The following ALG6 variants were observed in gnomAD, a reference collection of about 807,000 sequenced individuals.
ALG6 encodes dolichyl pyrophosphate Man9GlcNAc2 alpha-1,3-glucosyltransferase.
ALG6 carries 46 observed loss-of-function variants against 66.6 expected under a neutral mutation model. That is an observed-to-expected ratio of 0.69 (90% CI 0.55 to 0.88). The LOEUF is 0.88. Ranked by LOEUF, ALG6 falls within the 40% of genes least tolerant of loss-of-function variation. The pLI is 0.00. For synonymous variants in ALG6, 185 were observed against 203.7 expected, an observed-to-expected ratio of 0.91 and a Z score of 0.78; for missense variants, 505 against 586.8, an observed-to-expected ratio of 0.86 and a Z score of 1.44.
At chr1:63,387,530 C>CTAT (rs1648535994) in intron 2 of ALG6, among the ~76,000 whole-genome samples, 1 of 60,212 alleles carries the variant, frequency 1.7e-5, no homozygotes, top group Non-Finnish European at 3.2e-5. Context: ...CTTTGTCTTT[C>CTAT]TCTTTTTTTT....
intron 12 of ALG6, among the ~76,000 whole-genome samples, chr1:63,425,827 G>A (rs180969280): frequency 2.2e-3 from 342 of 152,250 alleles, no homozygotes; most frequent in African/African-American, 7.9e-3. Context: ...AGAATTTAAG[G>A]TAGGTAAAAA....
intron 1 of ALG6, among the ~76,000 whole-genome samples, chr1:63,368,849 C>T (rs757171645): frequency 3.9e-5 from 6 of 152,074 alleles, no homozygotes; most frequent in South Asian, 4.1e-4. Context: ...AAATACTGTA[C>T]GCAAATTATA....
Position 63,438,447 on chromosome 1 carries a change from T to C in ALG6, c.*1427T>C, listed in dbSNP as rs1644698603. 1 of 152,194 alleles carries C rather than the reference T, an allele frequency of 6.6e-6. No homozygotes were observed. Among genetic ancestry groups the C allele is most frequent in the African/African-American group, 2.4e-5 (1 of 41,452 alleles). The allele number at this position is 152,194 out of a possible 1,614,324, so 9.4% of individuals were successfully genotyped here. A position where few individuals can be genotyped will look rare whatever the true frequency, so the allele number is the denominator to read the frequency against. On this transcript the variant is annotated 3_prime_UTR_variant, in exon 15 of 15. Coordinates refer to ENST00000263440, the MANE Select transcript of ALG6 (RefSeq NM_013339.4). Reference sequence around the variant, plus strand: ...TGTAATAGTACACTTGTGTTTAACATAGAATGTTGACTTAGATAAATGATG... The same window carrying C: ...TGTAATAGTACACTTGTGTTTAACACAGAATGTTGACTTAGATAAATGATG...
chr1:63,423,273 C>T (rs907686204), intron 12 of ALG6, among the ~76,000 whole-genome samples: 1 of 152,166 alleles, frequency 6.6e-6, no homozygotes, highest in Non-Finnish European at 1.5e-5. Flanking sequence ...ATTCCCCTGC[C>T]TTGGCCTCCC....
rs139140859 is a variant in ALG6, at chr1:63,420,975, C to T, written c.1058+1535C>T. On this transcript the variant is annotated intron_variant, in intron 12 of 14. Transcript: ENST00000263440. ...TATTGAGTGCCTTCTATTTATCAGG[C>T]ACTGTTTTGTGCACATGGGATATAT... Among the ~76,000 whole-genome samples the T allele has an allele frequency of 6.7e-4, 102 of 151,526 alleles. 1 individual carries two copies. The East Asian group carries it at 0.018, about 26-fold the overall frequency.
At chr1:63,368,658 G>A (rs1268815409) in intron 1 of ALG6, among the ~76,000 whole-genome samples, 1 of 151,886 alleles carries the variant, frequency 6.6e-6, no homozygotes, top group Middle Eastern at 3.2e-3. Flanking sequence ...GCACCACCAC[G>A]CCCAGCTAAT....
At position 63,411,158 on chromosome 1, in the gene ALG6, G is replaced by A. The variant is rs1357791936; in HGVS notation, c.507G>A (p.Val169=). The A allele has an allele frequency of 1.9e-6, 3 of 1,613,732 alleles. No individual in the cohort carries two copies. Among genetic ancestry groups the A allele is most frequent in the Admixed American group, 1.7e-5 (1 of 60,004 alleles). ...IDYGHFQYNS[V]SLGFALWGVL... Reference sequence around the variant, plus strand: ...GACACAGGAACATATATAATTCTGTGAGTCTTGGCTTTGCTTTGTGGGGTG... The same window carrying A: ...GACACAGGAACATATATAATTCTGTAAGTCTTGGCTTTGCTTTGTGGGGTG... The change falls in exon 8 of 15, where the codon GTG becomes GTA. Residue 169 remains valine (V), a synonymous_variant. Transcript: ENST00000263440.
chr1:63,412,838 A>C (rs1350936120), intron 9 of ALG6, among the ~76,000 whole-genome samples: 1 of 152,164 alleles, frequency 6.6e-6, no homozygotes, highest in Non-Finnish European at 1.5e-5. Context: ...TTTATAGATA[A>C]TTTGCTAGCA....
intron 3 of ALG6, among the ~76,000 whole-genome samples, chr1:63,400,245 G>GTA (rs1164769108): frequency 2.9e-4 from 1 of 3,410 alleles, no homozygotes; most frequent in Non-Finnish European, 4.1e-4. Context: ...ATATATATAC[G>GTA]TATATATATG....
intron 12 of ALG6, among the ~76,000 whole-genome samples, chr1:63,425,416 G>C (rs1644610166): frequency 6.6e-6 from 1 of 152,162 alleles, no homozygotes; most frequent in African/African-American, 2.4e-5. Context: ...GAGATGCTGG[G>C]AAGGGAGTAA....
intron 2 of ALG6, among the ~76,000 whole-genome samples, chr1:63,383,492 T>C (rs920478370): frequency 6.6e-6 from 1 of 152,102 alleles, no homozygotes; most frequent in African/African-American, 2.4e-5. Context: ...CATGGTTCAC[T>C]GCAGCCTTGA....
intron 12 of ALG6, among the ~76,000 whole-genome samples, chr1:63,420,860 C>CAA (rs59787354): frequency 2.3e-4 from 29 of 125,844 alleles, no homozygotes; most frequent in Non-Finnish European, 2.8e-4. Flanking sequence ...GACTCTGTCT[C>CAA]AAAAAAAAAA....
At position 63,371,134 on chromosome 1, in the gene ALG6, C is replaced by T. The variant is rs533152848; in HGVS notation, c.82+75C>T. The T allele has an allele frequency of 2.9e-5, 29 of 991,500 alleles. No homozygotes were observed. The East Asian group carries it at 3.6e-4, about 12-fold the overall frequency. 61.4% of individuals were successfully genotyped at this position (991,500 alleles called of 1,614,324 possible). ...GGTGTTTGTTTGGGGAAAAGTTTAC[C>T]ATTTTCTGACCAGTACAGAGAAGAA... On this transcript the variant is annotated intron_variant, in intron 2 of 14. Coordinates refer to ENST00000263440, the MANE Select transcript of ALG6 (RefSeq NM_013339.4).
At chr1:63,427,955 C>T (rs903847058) in intron 12 of ALG6, among the ~76,000 whole-genome samples, 2 of 151,840 alleles carry the variant, frequency 1.3e-5, no homozygotes, top group Non-Finnish European at 2.9e-5. Context: ...TACAGGCACG[C>T]ACCACCAAGC....
chr1:63,419,885 A>G (rs1570078531), intron 12 of ALG6, among the ~76,000 whole-genome samples: 2 of 152,182 alleles, frequency 1.3e-5, no homozygotes, highest in East Asian at 3.9e-4. Context: ...CCTATTGGCA[A>G]TCTGTAACCA....
chr1:63,437,645 A>G lies in ALG6; in HGVS notation c.*625A>G, dbSNP rs992704497. 3.3e-5 allele frequency: 5 copies of G among 152,136 alleles called. No homozygotes were observed. Among genetic ancestry groups the G allele is most frequent in the African/African-American group, 1.2e-4 (5 of 41,396 alleles). 9.4% of individuals were successfully genotyped at this position (152,136 alleles called of 1,614,324 possible). ...GTTTTAACAAGGCAAATAAACCATA[A>G]TCTTATTTATTTCCAAGAATGCATA... On this transcript the variant is annotated 3_prime_UTR_variant, in exon 15 of 15. Coordinates refer to ENST00000263440, the MANE Select transcript of ALG6 (RefSeq NM_013339.4).
chr1:63,398,687 G>C (rs1644426262), intron 3 of ALG6, among the ~76,000 whole-genome samples: 1 of 152,002 alleles, frequency 6.6e-6, no homozygotes, highest in South Asian at 2.1e-4. Flanking sequence ...ATGTTAGCCA[G>C]GATGGTCTTG....
At chr1:63,418,873 A>G (rs1644558448) in intron 11 of ALG6, among the ~76,000 whole-genome samples, 2 of 152,234 alleles carry the variant, frequency 1.3e-5, no homozygotes, top group South Asian at 4.1e-4. Flanking sequence ...ATCCATATCT[A>G]ATTTGCAGAA....
At chr1:63,398,618 G>T (rs189116484) in intron 3 of ALG6, among the ~76,000 whole-genome samples, 1 of 151,908 alleles carries the variant, frequency 6.6e-6, no homozygotes, top group African/African-American at 2.4e-5. Flanking sequence ...GACTACAGGC[G>T]CCCACCACCA....
Sources: gnomAD v4.1 joint callset for allele counts (sites outside exome capture counted in the v4.1 genomes callset) on GRCh38, gnomAD v4.1.1 for gene constraint, MANE v1.5 for transcripts, NCBI Gene and HGNC (gene_info 2026-07-23, HGNC 2026-07-21) for gene names.